ANKRD31: variants seen among roughly 807,000 people sequenced by gnomAD.
The protein encoded by ANKRD31 is ankyrin repeat domain-containing protein 31.
ANKRD31 carries 147 observed loss-of-function variants against 186.0 expected under a neutral mutation model. That is an observed-to-expected ratio of 0.79 (90% CI 0.69 to 0.91). The LOEUF is 0.91. Among genes scored for constraint, ANKRD31 ranks in the 40% least tolerant of loss-of-function variants. The pLI is 0.00. For synonymous variants in ANKRD31, 673 were observed against 736.4 expected, an observed-to-expected ratio of 0.91 and a Z score of 1.39; for missense variants, 1,986 against 2,148.8, an observed-to-expected ratio of 0.92 and a Z score of 1.50.
intron 1 of ANKRD31, among the ~76,000 whole-genome samples, chr5:75,234,717 G>A (rs908915030): frequency 2.6e-5 from 4 of 152,144 alleles, no homozygotes; most frequent in Non-Finnish European, 5.9e-5. Context: ...GTGTCAAAGA[G>A]TATATGTGTT....
intron 10 of ANKRD31, among the ~76,000 whole-genome samples, chr5:75,175,614 G>C (rs1753724807): frequency 6.6e-6 from 1 of 150,688 alleles, no homozygotes; most frequent in East Asian, 2.0e-4. Context: ...TTTAAGATTT[G>C]TAGTTCACTA....
chr5:75,220,137 A>T (rs529978932), intron 3 of ANKRD31, among the ~76,000 whole-genome samples: 2 of 152,196 alleles, frequency 1.3e-5, no homozygotes, highest in African/African-American at 4.8e-5. Context: ...AAAACTGACA[A>T]ATGGGACCTA....
At chr5:75,088,926 G>A (rs1429587695) in intron 23 of ANKRD31, among the ~76,000 whole-genome samples, 1 of 152,194 alleles carries the variant, frequency 6.6e-6, no homozygotes, top group African/African-American at 2.4e-5. Flanking sequence ...TAAGAAAGCT[G>A]AAGTTCAGAA....
intron 10 of ANKRD31, among the ~76,000 whole-genome samples, chr5:75,187,022 AGTGTGTGTGTGTGT>A (rs10624220): frequency 4.2e-5 from 6 of 142,610 alleles, no homozygotes; most frequent in African/African-American, 1.6e-4. Flanking sequence ...TGAGACACAG[AGTGTGTGTGTGTGT>A]GTGTGTGTGT....
intron 17 of ANKRD31, among the ~76,000 whole-genome samples, chr5:75,124,048 T>A (rs1042188981): frequency 2.6e-5 from 4 of 151,898 alleles, no homozygotes; most frequent in Non-Finnish European, 2.9e-5. Flanking sequence ...GGGACTAATA[T>A]CCAGAATTTA....
chr5:75,154,586 AAAAG>A (rs1383365669), intron 11 of ANKRD31, among the ~76,000 whole-genome samples: 1 of 152,068 alleles, frequency 6.6e-6, no homozygotes, highest in Non-Finnish European at 1.5e-5. Context: ...GAGAAAGAGA[AAAAG>A]AAAGAAGGAG....
intron 22 of ANKRD31, among the ~76,000 whole-genome samples, chr5:75,099,986 G>A (rs1170715913): frequency 1.3e-5 from 2 of 152,054 alleles, no homozygotes; most frequent in Non-Finnish European, 1.5e-5. Context: ...GTTTGCTCTT[G>A]CTTCTTTAGT....
chr5:75,105,183 C>T lies in ANKRD31; in HGVS notation c.4376G>A (p.Arg1459Lys). 1 of 1,533,002 alleles carries T rather than the reference C, an allele frequency of 6.5e-7. No homozygotes were observed. Among genetic ancestry groups the T allele is most frequent in the Non-Finnish European group, 8.7e-7 (1 of 1,145,494 alleles). The allele number at this position is 1,533,002 out of a possible 1,614,324, so 95.0% of individuals were successfully genotyped here. Residue 1459 changes from arginine (R) to lysine (K), a missense_variant, in exon 22 of 26, where the codon AGA (arginine) becomes AAA (lysine). Arg to Lys is a conservative substitution (Grantham distance 26, BLOSUM62 2). Coordinates refer to ENST00000506364, the MANE Select transcript of ANKRD31 (RefSeq NM_001372053.1). ...TGCAGCCAAGTTGGCCAATTGTTCT[C>T]TCAGGGCTCCATGCTTAAATGACTC... ...SIESFKHGALREQLANLAARQ... is the reference protein window; with the variant it reads ...SIESFKHGALKEQLANLAARQ...
intron 1 of ANKRD31, among the ~76,000 whole-genome samples, chr5:75,231,269 G>A (rs1486767418): frequency 6.6e-6 from 1 of 151,412 alleles, no homozygotes; most frequent in Non-Finnish European, 1.5e-5. Flanking sequence ...TTTAGAGCCA[G>A]GGTCTTATCA....
chr5:75,088,148 T>C (rs1745642239), intron 23 of ANKRD31, among the ~76,000 whole-genome samples: 1 of 152,208 alleles, frequency 6.6e-6, no homozygotes, highest in African/African-American at 2.4e-5. Context: ...AGATGAACAA[T>C]TTCCATCAGT....
chr5:75,104,579 A>G lies in ANKRD31; in HGVS notation c.4980T>C (p.Asn1660=). Residue 1660 remains asparagine, a synonymous_variant, in exon 22 of 26, where the codon AAT becomes AAC. Transcript: ENST00000506364. ...TGGAAAGGTCCTGATCACAAATAAT[A>G]TTTGATGGATGGGCAGCATTTTCGG... The part of the protein sequence containing the change: ...VLAENAAHPS[N]IICDQDLSNY... The G allele has an allele frequency of 1.3e-6, 2 of 1,536,178 alleles. No homozygotes were observed. The highest frequency in any genetic ancestry group is 1.7e-6 in the Non-Finnish European group (2 of 1,146,502).
At chr5:75,083,938 T>C (rs1745285271) in intron 24 of ANKRD31, among the ~76,000 whole-genome samples, 2 of 152,216 alleles carry the variant, frequency 1.3e-5, no homozygotes, top group Non-Finnish European at 2.9e-5. Context: ...ATTTCATTTA[T>C]ATGATATATT....
chr5:75,074,747 G>T (rs1036471609), intron 25 of ANKRD31, among the ~76,000 whole-genome samples: 1 of 152,020 alleles, frequency 6.6e-6, no homozygotes, highest in Non-Finnish European at 1.5e-5. Flanking sequence ...TAAAGTAAAG[G>T]TAAAGATACA....
intron 25 of ANKRD31, among the ~76,000 whole-genome samples, chr5:75,075,619 C>G (rs530362081): frequency 1.3e-5 from 2 of 152,220 alleles, no homozygotes; most frequent in East Asian, 3.9e-4. Flanking sequence ...AGCAAAATTT[C>G]ACCACCAATC....
chr5:75,206,768 CTGTT>C (rs1340981441), intron 4 of ANKRD31, among the ~76,000 whole-genome samples: 5 of 152,100 alleles, frequency 3.3e-5, no homozygotes, highest in South Asian at 2.1e-4. Context: ...TTGGAGGTGA[CTGTT>C]TGCCAAATAG....
intron 15 of ANKRD31, among the ~76,000 whole-genome samples, chr5:75,139,360 G>A (rs1421539068): frequency 1.3e-5 from 2 of 152,120 alleles, no homozygotes; most frequent in African/African-American, 4.8e-5. Context: ...ATCTCAATGG[G>A]TGTATTCCTG....
rs5868765 is a variant in ANKRD31 at position 75,138,014 on chromosome 5, GA to G, written c.3734-17del. On this transcript the variant is annotated splice_polypyrimidine_tract_variant and intron_variant, in intron 16 of 25. Coordinates refer to ENST00000506364, the MANE Select transcript of ANKRD31 (RefSeq NM_001372053.1). Reference sequence around the variant, plus strand: ...GGTGTCCAACCTAAAAAAAGAAAAAGAAAAAAAAAAACCCTGCTTCATGCGA... The same window carrying G: ...GGTGTCCAACCTAAAAAAAGAAAAAGAAAAAAAAAACCCTGCTTCATGCGA... 1.8e-3 allele frequency: 2,268 copies of G among 1,248,506 alleles called. No homozygotes were observed. Among genetic ancestry groups the G allele is most frequent in the South Asian group, 3.7e-3 (194 of 52,628 alleles). 77.3% of individuals were successfully genotyped at this position (1,248,506 alleles called of 1,614,324 possible). A position where few individuals can be genotyped will look rare whatever the true frequency, so the allele number is the denominator to read the frequency against.
At chr5:75,213,742 G>A (rs748690748) in intron 3 of ANKRD31, among the ~76,000 whole-genome samples, 2 of 152,194 alleles carry the variant, frequency 1.3e-5, no homozygotes, top group African/African-American at 2.4e-5. Flanking sequence ...AGGTAAGAGA[G>A]GTTAATTGTG....
chr5:75,193,576 T>C lies in ANKRD31; in HGVS notation c.1033A>G (p.Asn345Asp), dbSNP rs1755263817. ...TQIAETLQDP[N>D]PSGLQTLAHQ... ...GCCAAAGTTTGCAATCCAGATGGAT[T>C]TGGGTCTTGCAGAGTCTGCAAATAC... Residue 345 changes from asparagine to aspartate, a missense_variant, in exon 8 of 26, where the codon AAT becomes GAT. Asn to Asp is a conservative substitution (Grantham distance 23). Coordinates refer to ENST00000506364, the MANE Select transcript of ANKRD31 (RefSeq NM_001372053.1). The C allele has an allele frequency of 6.5e-7, 1 of 1,535,908 alleles. No individual in the cohort carries two copies. Among genetic ancestry groups the C allele is most frequent in the Non-Finnish European group, 8.7e-7 (1 of 1,146,184 alleles).
Sources: gnomAD v4.1 joint callset for allele counts (sites outside exome capture counted in the v4.1 genomes callset) on GRCh38, gnomAD v4.1.1 for gene constraint, MANE v1.5 for transcripts, NCBI Gene and HGNC (gene_info 2026-07-23, HGNC 2026-07-21) for gene names.